The following FDFT1 variants were observed in gnomAD, a reference collection of about 807,000 sequenced individuals.
FDFT1 encodes farnesyl-diphosphate farnesyltransferase 1.
FDFT1 carries 68 observed loss-of-function variants against 46.8 expected under a neutral mutation model. That is an observed-to-expected ratio of 1.45 (90% CI 1.19 to 1.78). The LOEUF (loss-of-function observed/expected upper bound fraction) is 1.78, where lower values mean the gene tolerates loss of function less well. FDFT1 is among the 40% of genes most tolerant of loss of function. FDFT1 has a pLI of 0.00. For synonymous variants in FDFT1, 351 were observed against 185.1 expected (o/e 1.90, Z -7.28); for missense variants, 928 against 524.4 (o/e 1.77, Z -7.52).
At chr8:11,820,543 G>A (rs533779459) in intron 3 of FDFT1, among the ~76,000 whole-genome samples, 1 of 152,220 alleles carries the variant, frequency 6.6e-6, no homozygotes, top group African/African-American at 2.4e-5. Flanking sequence ...TACACTGTGA[G>A]CATAGAAGTG....
upstream of FDFT1, among the ~76,000 whole-genome samples, chr8:11,799,798 T>G (rs989790609): frequency 1.3e-5 from 2 of 151,764 alleles, no homozygotes; most frequent in African/African-American, 4.8e-5. Context: ...ATAAAAAAAT[T>G]AGCTGGCCGT....
At chr8:11,830,451 G>C in intron 6 of FDFT1, 31 bp downstream of exon 6, 1 of 1,499,388 alleles carries the variant, frequency 6.7e-7, no homozygotes, top group Non-Finnish European at 9.3e-7. Context: ...GGGTGGATAC[G>C]GGGCTAAAGG....
At chr8:11,822,420 T>G (rs1481950508) in intron 4 of FDFT1, among the ~76,000 whole-genome samples, 1 of 151,786 alleles carries the variant, frequency 6.6e-6, no homozygotes, top group Non-Finnish European at 1.5e-5. Flanking sequence ...GCCTCTTAAT[T>G]TTTCAAACCT....
chr8:11,798,279 C>T (rs1370068497), upstream of FDFT1: 2 of 152,134 alleles, frequency 1.3e-5, no homozygotes, highest in African/African-American at 4.8e-5. Flanking sequence ...AGGCTGGTCT[C>T]AAAGTCCTGA....
upstream of FDFT1, among the ~76,000 whole-genome samples, chr8:11,800,027 C>A (rs568444634): frequency 1.6e-5 from 2 of 126,732 alleles, no homozygotes; most frequent in South Asian, 5.0e-4. Context: ...TTTGGGAGGC[C>A]GAGGAGGGTG....
At chr8:11,812,172 A>G (rs567265115) in intron 3 of FDFT1, among the ~76,000 whole-genome samples, 5 of 152,178 alleles carry the variant, frequency 3.3e-5, no homozygotes, top group Non-Finnish European at 7.3e-5. Flanking sequence ...CACTGGGGCC[A>G]TGGGAATGTG....
chr8:11,814,877 C>G (rs1477616570), intron 3 of FDFT1, among the ~76,000 whole-genome samples: 1 of 149,908 alleles, frequency 6.7e-6, no homozygotes, highest in Non-Finnish European at 1.5e-5. Context: ...TTTTCTTTTT[C>G]TTTTATTATA....
intron 3 of FDFT1, among the ~76,000 whole-genome samples, chr8:11,814,848 C>T (rs1463416314): frequency 6.6e-6 from 1 of 151,786 alleles, no homozygotes; most frequent in Non-Finnish European, 1.5e-5. Context: ...CTAAGCTCTT[C>T]AAGGGTCTGA....
intron 1 of FDFT1, among the ~76,000 whole-genome samples, chr8:11,807,308 A>AG (rs1806984424): frequency 6.6e-6 from 1 of 151,784 alleles, no homozygotes; most frequent in Admixed American, 6.6e-5. Context: ...GCGCCACCAC[A>AG]CCTGGCTTTT....
chr8:11,797,297 T>C (rs1426347206), upstream of FDFT1, among the ~76,000 whole-genome samples: 6 of 152,342 alleles, frequency 3.9e-5, no homozygotes, highest in Admixed American at 2.0e-4. Context: ...GGTTCTGTTA[T>C]ATAGTGTCTG....
chr8:11,808,176 T>C lies in FDFT1; in HGVS notation c.100-618T>C, dbSNP rs367950612. The C allele has an allele frequency of 2.7e-5, 23 of 846,374 alleles. 1 individual carries two copies. The East Asian group carries it at 5.1e-4, about 19-fold the overall frequency. The allele number at this position is 846,374 out of a possible 1,614,324, so 52.4% of individuals were successfully genotyped here. A position where few individuals can be genotyped will look rare whatever the true frequency, so the allele number is the denominator to read the frequency against. On this transcript the variant is annotated intron_variant, in intron 1 of 7. Coordinates refer to ENST00000220584, the MANE Select transcript of FDFT1 (RefSeq NM_004462.5). ...ACTGGGCGATGCAAAGACAGATGCG[T>C]TGAGTACAAAGTCCAGGCCTTATTG...
At chr8:11,799,705 G>C (rs1805908699), upstream of FDFT1, among the ~76,000 whole-genome samples, 1 of 152,122 alleles carries the variant, frequency 6.6e-6, no homozygotes, top group African/African-American at 2.4e-5. Context: ...CCCAGTACCT[G>C]GGGAGGCTGA....
intron 3 of FDFT1, among the ~76,000 whole-genome samples, chr8:11,818,452 A>G (rs189617164): frequency 1.3e-5 from 2 of 152,258 alleles, no homozygotes; most frequent in African/African-American, 4.8e-5. Context: ...TCTAATATTG[A>G]CAGTGGGATG....
At chr8:11,799,292 T>C (rs564092354), upstream of FDFT1, among the ~76,000 whole-genome samples, 47 of 152,354 alleles carry the variant, frequency 3.1e-4, no homozygotes, top group African/African-American at 9.1e-4. Flanking sequence ...GCTGTAGTTA[T>C]GGCTGGTGGA....
intron 3 of FDFT1, among the ~76,000 whole-genome samples, chr8:11,812,491 G>A (rs1663003992): frequency 6.6e-6 from 1 of 152,178 alleles, no homozygotes; most frequent in Admixed American, 6.5e-5. Context: ...AAGAGCCTGG[G>A]ATATGGGGAT....
rs374810538 is a variant in FDFT1 at position 11,829,871 on chromosome 8, G to C, written c.703-373G>C. Among the ~76,000 whole-genome samples, 23 of 151,544 alleles carry C rather than the reference G, an allele frequency of 1.5e-4. No homozygotes were observed. In the South Asian group the frequency reaches 2.1e-3, roughly 14 times the overall value. The stretch of plus-strand genomic sequence containing the variant: ...TTTGTTTTGTTTTTGTTTTTGTGAC[G>C]GAGTCTCACTCTTTCACCCAGGCTG... On this transcript the variant is annotated intron_variant, in intron 5 of 7. Transcript: ENST00000220584.
intron 3 of FDFT1, among the ~76,000 whole-genome samples, chr8:11,819,759 A>G (rs945260748): frequency 1.1e-4 from 16 of 152,032 alleles, no homozygotes; most frequent in South Asian, 4.2e-4. Flanking sequence ...CCTTTTCTCA[A>G]GGTTTTAAGT....
chr8:11,803,620 G>T (rs752233867), intron 1 of FDFT1: 14 of 536,364 alleles, frequency 2.6e-5, no homozygotes, highest in South Asian at 4.8e-5. Flanking sequence ...AAAATTATTC[G>T]TACGCGATTA....
chr8:11,810,668 T>C (rs1188980296), intron 3 of FDFT1, among the ~76,000 whole-genome samples: 1 of 152,206 alleles, frequency 6.6e-6, no homozygotes, highest in Admixed American at 6.5e-5. Flanking sequence ...TAGGTCCTAC[T>C]ATCCTAGAAT....
Sources: gnomAD v4.1 joint callset for allele counts (sites outside exome capture counted in the v4.1 genomes callset) on GRCh38, gnomAD v4.1.1 for gene constraint, MANE v1.5 for transcripts, NCBI Gene and HGNC (gene_info 2026-07-23, HGNC 2026-07-21) for gene names.